The following PALM2AKAP2 variants were observed in gnomAD, a reference collection of about 807,000 sequenced individuals.
The protein encoded by PALM2AKAP2 is PALM2 and AKAP2 fusion.
In PALM2AKAP2, 37 loss-of-function variants were observed where a neutral mutation model predicts 71.5. That is an observed-to-expected ratio of 0.52 (90% CI 0.40 to 0.68). The LOEUF (loss-of-function observed/expected upper bound fraction) is 0.68, where lower values mean the gene tolerates loss of function less well. PALM2AKAP2 is among the 30% of genes least tolerant of loss of function. The probability of loss-of-function intolerance (pLI) is 0.00; values close to 1 mark genes in which losing one functional copy is unlikely to be tolerated. For missense variants in PALM2AKAP2, 1,224 were observed against 1,191.8 expected (o/e 1.03, Z -0.40); for synonymous variants, 468 against 478.8 (o/e 0.98, Z 0.29).
chr9:109,903,899 A>C (rs1830385076), intron 3 of PALM2AKAP2, among the ~76,000 whole-genome samples: 1 of 152,212 alleles, frequency 6.6e-6, no homozygotes, highest in Admixed American at 6.5e-5. Context: ...CTGGCATTCA[A>C]ATGATAGAAT....
At chr9:109,779,021 T>C (rs912389180), upstream of PALM2AKAP2, among the ~76,000 whole-genome samples, 6 of 152,124 alleles carry the variant, frequency 3.9e-5, no homozygotes, top group East Asian at 1.2e-3. Context: ...CCACCCGCCT[T>C]GGCCTCCCAA....
At chr9:109,682,837 G>T (rs1439260398) in intron 1 of PALM2AKAP2, among the ~76,000 whole-genome samples, 1 of 152,102 alleles carries the variant, frequency 6.6e-6, no homozygotes, top group Non-Finnish European at 1.5e-5. Flanking sequence ...GTTGAATAGT[G>T]GCCCTCCAAA....
intron 1 of PALM2AKAP2, among the ~76,000 whole-genome samples, chr9:109,766,770 A>C (rs915052669): frequency 1.3e-5 from 2 of 152,190 alleles, no homozygotes; most frequent in African/African-American, 4.8e-5. Context: ...GCCAACACAG[A>C]CCTTCTCATG....
At chr9:109,926,156 A>G (rs1367483335) in intron 5 of PALM2AKAP2, among the ~76,000 whole-genome samples, 1 of 152,204 alleles carries the variant, frequency 6.6e-6, no homozygotes, top group Non-Finnish European at 1.5e-5. Flanking sequence ...TCCCAGCGTC[A>G]TTTGGAAATA....
intron 1 of PALM2AKAP2, among the ~76,000 whole-genome samples, chr9:109,739,082 A>T (rs1336025001): frequency 2.0e-5 from 3 of 152,254 alleles, no homozygotes. Flanking sequence ...TAACTTGTGG[A>T]TAAGAAATGG....
At chr9:109,839,956 T>A (rs1335957147) in intron 1 of PALM2AKAP2, among the ~76,000 whole-genome samples, 1 of 152,168 alleles carries the variant, frequency 6.6e-6, no homozygotes, top group African/African-American at 2.4e-5. Flanking sequence ...AATTTATAGA[T>A]TCAATGCCAT....
rs377380667 is a variant in PALM2AKAP2 at position 109,890,710 on chromosome 9, G to A, written c.257+10029G>A. Reference sequence around the variant, plus strand: ...ATCCTGGTTCCTGTCCTTGTTTTGGGAAACTCTTTTTAGCATACTTGGAGT... The same window carrying A: ...ATCCTGGTTCCTGTCCTTGTTTTGGAAAACTCTTTTTAGCATACTTGGAGT... On this transcript the variant is annotated intron_variant, in intron 3 of 9. Transcript: ENST00000302798. 7.2e-5 allele frequency among the ~76,000 whole-genome samples: 11 copies of A among 152,144 alleles called. No individual in the cohort carries two copies. The East Asian group carries it at 1.3e-3, about 19-fold the overall frequency.
In PALM2AKAP2 at chr9:109,931,950, C is replaced by T; in HGVS notation, c.418C>T (p.Gln140Ter). 1 of 1,614,080 alleles carries T rather than the reference C, an allele frequency of 6.2e-7. No individual in the cohort carries two copies. Among genetic ancestry groups the T allele is most frequent in the Non-Finnish European group, 8.5e-7 (1 of 1,179,954 alleles). ...AGATGCAGTAAATTACATTTCCTCC[C>T]AGCTTCCCGACCTGCCAATCCTCTG... The change falls in exon 6 of 10, where the codon CAG becomes TAG. Residue 140 changes from glutamine to a stop codon, truncating the protein, a stop_gained. Transcript: ENST00000302798. LOFTEE classifies it high-confidence loss of function.
chr9:109,760,021 C>T (rs999380299), intron 1 of PALM2AKAP2, among the ~76,000 whole-genome samples: 3 of 152,114 alleles, frequency 2.0e-5, no homozygotes. Flanking sequence ...TTTCCGTCAC[C>T]ACAGTGTTCT....
chr9:109,851,525 CAT>C (rs1829018980), intron 1 of PALM2AKAP2, among the ~76,000 whole-genome samples: 2 of 152,184 alleles, frequency 1.3e-5, no homozygotes, highest in Admixed American at 6.5e-5. Flanking sequence ...GAGAGATACA[CAT>C]GTTATCTACC....
chr9:110,054,426 T>C (rs1319157336), intron 1 of PALM2AKAP2, among the ~76,000 whole-genome samples: 1 of 152,108 alleles, frequency 6.6e-6, no homozygotes, highest in Non-Finnish European at 1.5e-5. Flanking sequence ...AAAACCTACC[T>C]GTTCAAAACT....
intron 1 of PALM2AKAP2, among the ~76,000 whole-genome samples, chr9:109,725,551 A>G (rs756194315): frequency 6.6e-6 from 1 of 152,224 alleles, no homozygotes; most frequent in Non-Finnish European, 1.5e-5. Flanking sequence ...AAAAGTACAG[A>G]GATGCTCGTT....
At chr9:109,681,760 T>C (rs1467253631) in intron 1 of PALM2AKAP2, among the ~76,000 whole-genome samples, 3 of 152,218 alleles carry the variant, frequency 2.0e-5, no homozygotes, top group Non-Finnish European at 4.4e-5. Context: ...TCAAACCACA[T>C]ACCAATTGTA....
At position 109,727,305 on chromosome 9, in the gene PALM2AKAP2, A is replaced by G. The variant is rs1056638443; in HGVS notation, c.6-53183A>G. Among the ~76,000 whole-genome samples the G allele has an allele frequency of 3.9e-5, 6 of 152,126 alleles. 1 individual carries two copies. The highest frequency in any genetic ancestry group is 7.2e-5 in the African/African-American group (3 of 41,420). Reference sequence around the variant, plus strand: ...CTGTGAGCCAATAATATAATTTGGGAGGGAATTTTATATTCATGATTGGTC... The same window carrying G: ...CTGTGAGCCAATAATATAATTTGGGGGGGAATTTTATATTCATGATTGGTC... On this transcript the variant is annotated intron_variant, in intron 1 of 6. Transcript: ENST00000374531.
At chr9:109,830,802 C>T (rs1828274676) in intron 1 of PALM2AKAP2, among the ~76,000 whole-genome samples, 1 of 152,166 alleles carries the variant, frequency 6.6e-6, no homozygotes, top group Non-Finnish European at 1.5e-5. Flanking sequence ...ACCAGTGACG[C>T]AGCGGAAGCC....
In PALM2AKAP2 at chr9:110,156,517, C is replaced by G; in HGVS notation, c.2748+20C>G. ...AGTAGTGTAAGTTTTTCCTCCTTTC[C>G]TCTTTCACTTCTCTGAGCGCGGCCA... On this transcript the variant is annotated intron_variant, in intron 3 of 3. Coordinates refer to ENST00000374525, the Ensembl canonical transcript of PALM2AKAP2. 4 of 1,582,334 alleles carry G rather than the reference C, an allele frequency of 2.5e-6. No individual in the cohort carries two copies. The highest frequency in any genetic ancestry group is 3.4e-6 in the Non-Finnish European group (4 of 1,161,076).
At chr9:110,154,646 T>C (rs1836402750) in intron 2 of PALM2AKAP2, among the ~76,000 whole-genome samples, 1 of 152,232 alleles carries the variant, frequency 6.6e-6, no homozygotes, top group Admixed American at 6.5e-5. Context: ...AAATACTTAT[T>C]ATTGTACTGT....
At chr9:110,140,891 G>C (rs892276066) in intron 2 of PALM2AKAP2, among the ~76,000 whole-genome samples, 1 of 152,186 alleles carries the variant, frequency 6.6e-6, no homozygotes, top group Non-Finnish European at 1.5e-5. Flanking sequence ...AGGAAAGGGA[G>C]GAAGAAGAGG....
At chr9:109,680,657 T>G (rs1488360760) in intron 1 of PALM2AKAP2, among the ~76,000 whole-genome samples, 4 of 152,214 alleles carry the variant, frequency 2.6e-5, no homozygotes, top group Non-Finnish European at 5.9e-5. Flanking sequence ...AGGCATGTAT[T>G]TTTTATTCAT....
Sources: allele counts gnomAD v4.1 joint callset (sites outside exome capture counted in the v4.1 genomes callset), GRCh38; gene constraint gnomAD v4.1.1; transcripts MANE v1.5; gene names NCBI Gene and HGNC (gene_info 2026-07-23, HGNC 2026-07-21).